PRKCE: variants seen among roughly 807,000 people sequenced by gnomAD.
PRKCE encodes protein kinase C epsilon.
In PRKCE, 16 loss-of-function variants were observed where a neutral mutation model predicts 85.4. The ratio of observed to expected loss-of-function variants is 0.19; its 90% CI spans 0.13 to 0.28. The LOEUF is 0.28. Among genes scored for constraint, PRKCE ranks in the 10% least tolerant of loss-of-function variants. The probability of loss-of-function intolerance (pLI) is 1.00; values close to 1 mark genes in which losing one functional copy is unlikely to be tolerated. For synonymous variants in PRKCE, 388 were observed against 371.5 expected, an observed-to-expected ratio of 1.04 and a Z score of -0.51; for missense variants, 573 against 975.2, an observed-to-expected ratio of 0.59 and a Z score of 5.49.
intron 1 of PRKCE, among the ~76,000 whole-genome samples, chr2:45,795,289 C>A (rs565134731): frequency 1.3e-5 from 2 of 152,238 alleles, no homozygotes; most frequent in Admixed American, 6.5e-5. Flanking sequence ...CTCCCTCAAA[C>A]CTGAACCACT....
intron 11 of PRKCE, among the ~76,000 whole-genome samples, chr2:46,109,711 C>A (rs1261049529): frequency 1.3e-5 from 2 of 151,952 alleles, no homozygotes; most frequent in African/African-American, 4.8e-5. Context: ...CTTGTTTTAT[C>A]ACACTCACTA....
At chr2:45,834,592 A>ATGTGTGTGTG (rs35972016) in intron 1 of PRKCE, among the ~76,000 whole-genome samples, 1 of 149,254 alleles carries the variant, frequency 6.7e-6, no homozygotes, top group East Asian at 2.0e-4. Flanking sequence ...GCATGTGTGT[A>ATGTGTGTGTG]TGTGTGTGTG....
At chr2:45,985,698 A>C (rs868484955) in intron 6 of PRKCE, among the ~76,000 whole-genome samples, 2 of 152,192 alleles carry the variant, frequency 1.3e-5, no homozygotes, top group African/African-American at 4.8e-5. Context: ...TCAAGGAGGA[A>C]TGATTTATTG....
chr2:45,969,572 G>T (rs1701970858), intron 2 of PRKCE, among the ~76,000 whole-genome samples: 1 of 152,156 alleles, frequency 6.6e-6, no homozygotes, highest in African/African-American at 2.4e-5. Context: ...CTGGGAAGCC[G>T]GTGGTTTCCC....
chr2:45,986,677 G>A (rs141081189), intron 6 of PRKCE, among the ~76,000 whole-genome samples: 8 of 152,324 alleles, frequency 5.3e-5, no homozygotes, highest in Non-Finnish European at 1.2e-4. Flanking sequence ...GCACGAGGAG[G>A]GTGGTGAGGG....
chr2:45,773,842 C>T (rs1685540605), intron 1 of PRKCE, among the ~76,000 whole-genome samples: 1 of 152,130 alleles, frequency 6.6e-6, no homozygotes, highest in Admixed American at 6.5e-5. Context: ...CGAAGTATAC[C>T]CTGGGGCTCC....
intron 1 of PRKCE, among the ~76,000 whole-genome samples, chr2:45,792,946 C>T (rs1033746898): frequency 1.2e-4 from 18 of 152,042 alleles, no homozygotes; most frequent in African/African-American, 4.1e-4. Context: ...TTACAGGCAC[C>T]CGCCACCACT....
chr2:45,778,500 GT>G (rs1456946906), intron 1 of PRKCE, among the ~76,000 whole-genome samples: 1 of 152,064 alleles, frequency 6.6e-6, no homozygotes, highest in Non-Finnish European at 1.5e-5. Flanking sequence ...CCTTTGGCTG[GT>G]GTTCCGCCTT....
intron 2 of PRKCE, among the ~76,000 whole-genome samples, chr2:45,954,184 G>A (rs1463162): frequency 0.81 from 123,717 of 152,164 alleles, 50,637 homozygotes; most frequent in East Asian, 0.95. Context: ...ATCTTGGCAA[G>A]GAAAACAGTT....
intron 5 of PRKCE, among the ~76,000 whole-genome samples, chr2:45,983,481 C>T (rs150364985): frequency 8.5e-5 from 13 of 152,260 alleles, no homozygotes; most frequent in South Asian, 2.1e-4. Context: ...TGGAGGGTAG[C>T]GCTGTGGAGG....
intron 11 of PRKCE, among the ~76,000 whole-genome samples, chr2:46,141,909 G>A (rs565632949): frequency 1.2e-4 from 19 of 152,248 alleles, no homozygotes; most frequent in African/African-American, 3.6e-4. Context: ...CAGCCTGCCC[G>A]GTTCTGCCCT....
chr2:46,169,687 G>A (rs11691028), intron 14 of PRKCE, among the ~76,000 whole-genome samples: 21,662 of 152,170 alleles, frequency 0.14, 1,772 homozygotes, highest in African/African-American at 0.21. Context: ...GCCGCACTCC[G>A]TCCCCCCTAG....
chr2:45,875,741 T>C (rs1185900735), intron 2 of PRKCE, among the ~76,000 whole-genome samples: 1 of 152,346 alleles, frequency 6.6e-6, no homozygotes, highest in African/African-American at 2.4e-5. Context: ...TTCACACAAA[T>C]GTCAACTAAT....
chr2:45,687,549 T>C (rs1342806016), intron 1 of PRKCE, among the ~76,000 whole-genome samples: 1 of 152,224 alleles, frequency 6.6e-6, no homozygotes, highest in Non-Finnish European at 1.5e-5. Flanking sequence ...AACTCAGTAA[T>C]TCCACTTCCA....
chr2:45,776,138 T>A (rs1320817745), intron 1 of PRKCE, among the ~76,000 whole-genome samples: 7 of 152,226 alleles, frequency 4.6e-5, no homozygotes, highest in African/African-American at 1.7e-4. Flanking sequence ...TCATATAATT[T>A]ACTTATGGAG....
At chr2:45,662,314 C>T (rs1013076701) in intron 1 of PRKCE, among the ~76,000 whole-genome samples, 20 of 152,230 alleles carry the variant, frequency 1.3e-4, no homozygotes, top group African/African-American at 4.8e-4. Context: ...GGAGACACGA[C>T]ATTAATCAAA....
At chr2:45,756,829 G>A (rs758736427) in intron 1 of PRKCE, among the ~76,000 whole-genome samples, 9 of 152,178 alleles carry the variant, frequency 5.9e-5, no homozygotes, top group African/African-American at 1.9e-4. Context: ...TGTGGGAGGG[G>A]CAGGAGCAAG....
intron 10 of PRKCE, among the ~76,000 whole-genome samples, chr2:46,052,801 G>A (rs553246945): frequency 6.6e-6 from 1 of 152,332 alleles, no homozygotes; most frequent in East Asian, 1.9e-4. Flanking sequence ...AATAAGCACA[G>A]GACATATAGG....
intron 1 of PRKCE, among the ~76,000 whole-genome samples, chr2:45,700,967 T>C (rs2104230761): frequency 6.6e-6 from 1 of 152,238 alleles, no homozygotes; most frequent in East Asian, 1.9e-4. Flanking sequence ...TTTAGATGCC[T>C]TGGAGGGAGT....
Sources: allele counts gnomAD v4.1 joint callset (sites outside exome capture counted in the v4.1 genomes callset), GRCh38; gene constraint gnomAD v4.1.1; transcripts MANE v1.5; gene names NCBI Gene and HGNC (gene_info 2026-07-23, HGNC 2026-07-21).